The following DYNC2H1 variants were observed in gnomAD, a reference collection of about 807,000 sequenced individuals.
The protein encoded by DYNC2H1 is cytoplasmic dynein 2 heavy chain 1.
A neutral mutation model predicts 570.0 loss-of-function variants in DYNC2H1; 410 were observed. The ratio of observed to expected loss-of-function variants is 0.72; its 90% CI spans 0.66 to 0.78. The LOEUF is 0.78. DYNC2H1 is among the 30% of genes least tolerant of loss of function. DYNC2H1 has a pLI of 0.00. For synonymous variants in DYNC2H1, 1,688 were observed against 1,677.6 expected, an observed-to-expected ratio of 1.01 and a Z score of -0.15; for missense variants, 4,865 against 5,046.4, an observed-to-expected ratio of 0.96 and a Z score of 1.09.
Position 103,369,699 on chromosome 11 carries a change from A to G in DYNC2H1, c.12156+11340A>G, listed in dbSNP as rs1243588001. Among the ~76,000 whole-genome samples the G allele has an allele frequency of 6.6e-6, 1 of 152,216 alleles. No homozygotes were observed. Among genetic ancestry groups the G allele is most frequent in the African/African-American group, 2.4e-5 (1 of 41,456 alleles). On this transcript the variant is annotated intron_variant, in intron 83 of 88. Coordinates refer to ENST00000375735, the MANE Select transcript of DYNC2H1 (RefSeq NM_001377.3). This position sits in a 1 kb window ranked among gnomAD's most constrained non-coding sequence, Gnocchi z 4.0. The stretch of plus-strand genomic sequence containing the variant: ...GCCCTAGCTCCCGGGCAACATTCGT[A>G]GACACTCACTGCATCAGAAAGCAAC...
intron 87 of DYNC2H1, chr11:103,468,242 A>G (rs1945259678): frequency 6.2e-6 from 1 of 160,428 alleles, no homozygotes; most frequent in Non-Finnish European, 1.4e-5. Flanking sequence ...TTGCTCTCTA[A>G]TTATGCTTTT....
chr11:103,213,348 G>A (rs943191545), intron 54 of DYNC2H1, among the ~76,000 whole-genome samples: 4 of 152,004 alleles, frequency 2.6e-5, no homozygotes, highest in African/African-American at 9.7e-5. Context: ...GTTACCCCTT[G>A]CTTGCTATTT....
intron 83 of DYNC2H1, among the ~76,000 whole-genome samples, chr11:103,381,541 C>G (rs1941647952): frequency 6.6e-6 from 1 of 152,186 alleles, no homozygotes; most frequent in African/African-American, 2.4e-5. Flanking sequence ...CCTCCACCTC[C>G]CGCGTTCAAG....
chr11:103,383,483 T>A (rs199949517), intron 83 of DYNC2H1, among the ~76,000 whole-genome samples: 5 of 140,448 alleles, frequency 3.6e-5, no homozygotes, highest in Non-Finnish European at 7.5e-5. Flanking sequence ...TCTTTATTTT[T>A]TTTTTTTTGA....
chr11:103,186,492 G>A lies in DYNC2H1; in HGVS notation c.6884G>A (p.Cys2295Tyr). Residue 2295 changes from cysteine (C) to tyrosine (Y), a missense_variant, in exon 42 of 89, where the codon TGT (cysteine) becomes TAT (tyrosine). Physicochemically the swap from Cys to Tyr is radical, Grantham distance 194 (BLOSUM62 -2). Coordinates refer to ENST00000375735, the MANE Select transcript of DYNC2H1 (RefSeq NM_001377.3). This position sits in a 1 kb window ranked among gnomAD's most constrained non-coding sequence, Gnocchi z 4.5. ...QPFILVGPEG[C>Y]GKGMLLRYAF... Reference sequence around the variant, plus strand: ...TTTATTCTGGTAGGACCAGAAGGATGTGGCAAAGGGTAAGAAAAATATTGG... The same window carrying A: ...TTTATTCTGGTAGGACCAGAAGGATATGGCAAAGGGTAAGAAAAATATTGG... 6.2e-7 allele frequency: 1 copy of A among 1,609,766 alleles called. No homozygotes were observed. Among genetic ancestry groups the A allele is most frequent in the Non-Finnish European group, 8.5e-7 (1 of 1,178,694 alleles).
rs1364774281 is a variant in DYNC2H1, at chr11:103,324,162, AT to A, written c.12039+180del. 6.6e-6 allele frequency among the ~76,000 whole-genome samples: 1 copy of A among 151,826 alleles called. No homozygotes were observed. The highest frequency in any genetic ancestry group is 2.1e-4 in the South Asian group (1 of 4,822). On this transcript the variant is annotated intron_variant, in intron 82 of 88. Coordinates refer to ENST00000375735, the MANE Select transcript of DYNC2H1 (RefSeq NM_001377.3). The surrounding 1 kb of genome is among the most constrained non-coding windows in gnomAD (Gnocchi z 5.2). Reference sequence around the variant, plus strand: ...ATTTTTTAAAATATTTGATTTTCTGATTTTTTTTCTTTTTAAACTTTTATTT... The same window carrying A: ...ATTTTTTAAAATATTTGATTTTCTGATTTTTTTCTTTTTAAACTTTTATTT...
chr11:103,215,830 C>T lies in DYNC2H1; in HGVS notation c.8804C>T (p.Ala2935Val). The change falls in exon 55 of 89, where the codon GCC (alanine) becomes GTC (valine). Residue 2935 changes from alanine to valine, a missense_variant. Physicochemically the swap from Ala to Val is moderately conservative, Grantham distance 64. This residue lies in a region of DYNC2H1 where 2,401 missense variants were observed against 2,454.6 expected (regional missense o/e 0.98). Coordinates refer to ENST00000375735, the MANE Select transcript of DYNC2H1 (RefSeq NM_001377.3). ...ACGAAGCAAGATGAAGCAGATGCTG[C>T]CCTTCAAATGATCACAGTGTCAATG... is the stretch of plus-strand genomic sequence containing the variant. ...LKTKQDEADAALQMITVSMQD... is the reference protein window; with the variant it reads ...LKTKQDEADAVLQMITVSMQD... 1 of 1,612,520 alleles carries T rather than the reference C, an allele frequency of 6.2e-7. No individual in the cohort carries two copies. Among genetic ancestry groups the T allele is most frequent in the Non-Finnish European group, 8.5e-7 (1 of 1,179,206 alleles).
At chr11:103,300,272 G>A (rs185594710) in intron 75 of DYNC2H1, among the ~76,000 whole-genome samples, 144 of 151,844 alleles carry the variant, frequency 9.5e-4, no homozygotes, top group African/African-American at 3.3e-3. Flanking sequence ...TCAGTTATTC[G>A]TTTGTCTTAT....
Position 103,189,394 on chromosome 11 carries a change from T to C in DYNC2H1, c.7293-278T>C, listed in dbSNP as rs1862205320. On this transcript the variant is annotated intron_variant, in intron 44 of 88. Transcript: ENST00000375735. This position sits in a 1 kb window ranked among gnomAD's most constrained non-coding sequence, Gnocchi z 4.3. Reference sequence around the variant, plus strand: ...TGCTTTTCAAAAGTAAAATTTTCCTTTTGGTCTTTTCTGAAGATCAGTGAT... The same window carrying C: ...TGCTTTTCAAAAGTAAAATTTTCCTCTTGGTCTTTTCTGAAGATCAGTGAT... Among the ~76,000 whole-genome samples, 1 of 152,140 alleles carries C rather than the reference T, an allele frequency of 6.6e-6. No homozygotes were observed. The highest frequency in any genetic ancestry group is 1.5e-5 in the Non-Finnish European group (1 of 68,018).
At chr11:103,292,479 G>A (rs1378650680) in intron 75 of DYNC2H1, among the ~76,000 whole-genome samples, 5 of 152,204 alleles carry the variant, frequency 3.3e-5, no homozygotes, top group South Asian at 2.1e-4. Context: ...ACAATTTATT[G>A]TAGTTAGTAT....
At chr11:103,303,357 C>T in intron 76 of DYNC2H1, 104 bp downstream of exon 76, 1 of 1,267,164 alleles carries the variant, frequency 7.9e-7, no homozygotes, top group Non-Finnish European at 1.1e-6. Flanking sequence ...CCAAATAATG[C>T]CCCCAAAAAT....
At chr11:103,153,041 T>G (rs559817162) in intron 21 of DYNC2H1, among the ~76,000 whole-genome samples, 17 of 152,306 alleles carry the variant, frequency 1.1e-4, no homozygotes, top group Admixed American at 9.2e-4. Flanking sequence ...TTGTACTAGG[T>G]GCGGTTAACC....
intron 63 of DYNC2H1, among the ~76,000 whole-genome samples, chr11:103,237,238 A>G (rs1164840395): frequency 1.3e-5 from 2 of 151,992 alleles, no homozygotes; most frequent in Non-Finnish European, 2.9e-5. Flanking sequence ...AAATATTAGT[A>G]TTCCTTTTCC....
intron 43 of DYNC2H1, 53 bp from the exon 44 acceptor site, chr11:103,188,444 T>C: frequency 1.5e-6 from 2 of 1,372,276 alleles, no homozygotes; most frequent in Non-Finnish European, 9.9e-7. Flanking sequence ...TCCTTTATCA[T>C]GATTAGGAAA....
In DYNC2H1 at chr11:103,154,532, C is replaced by A. The variant is rs199935024; in HGVS notation, c.3384C>A (p.Ala1128=). 1.4e-4 allele frequency: 228 copies of A among 1,588,234 alleles called. No homozygotes were observed. The African/African-American group carries it at 2.9e-3, about 20-fold the overall frequency. ...TCTCTAAAGATATCGAGAGCTGTGC[C>A]CAAATTTGGGCCTTTTATGAAGAGT... is the stretch of plus-strand genomic sequence containing the variant. ...SSISKDIESC[A]QIWAFYEEFQ... Residue 1128 remains alanine (A), a synonymous_variant, in exon 23 of 89, where the codon GCC becomes GCA. Coordinates refer to ENST00000375735, the MANE Select transcript of DYNC2H1 (RefSeq NM_001377.3).
intron 70 of DYNC2H1, among the ~76,000 whole-genome samples, chr11:103,273,770 T>C (rs1042853159): frequency 6.6e-6 from 1 of 152,120 alleles, no homozygotes; most frequent in Non-Finnish European, 1.5e-5. Context: ...TGAGGTCACA[T>C]GGAAACCCTT....
intron 87 of DYNC2H1, among the ~76,000 whole-genome samples, chr11:103,456,688 T>C (rs1211778051): frequency 2.0e-5 from 3 of 152,152 alleles, no homozygotes; most frequent in Non-Finnish European, 4.4e-5. Flanking sequence ...TACATACAGG[T>C]TGAGCATCCA....
Position 103,259,963 on chromosome 11 carries a change from C to A in DYNC2H1, c.10681C>A (p.Arg3561Ser), listed in dbSNP as rs766804374. 2.0e-6 allele frequency: 3 copies of A among 1,498,746 alleles called. No homozygotes were observed. The highest frequency in any genetic ancestry group is 2.9e-5 in the African/African-American group (2 of 68,222). The allele number at this position is 1,498,746 out of a possible 1,614,324, so 92.8% of individuals were successfully genotyped here. The change falls in exon 70 of 89, where the codon CGT (arginine) becomes AGT (serine). Residue 3561 changes from arginine to serine, a missense_variant. By Grantham distance (110) the Arg-to-Ser change is moderately radical. Around this residue, in one of 5 missense-constraint regions of DYNC2H1, gnomAD observed 2,401 missense variants for 2,454.6 expected, o/e 0.98. Transcript: ENST00000375735. ...ACATATGGTATATGAATATATATGT[C>A]GTTGTCTATTTAAGGTAAGAAGCAT... is the stretch of plus-strand genomic sequence containing the variant. ...LQHMVYEYIC[R>S]CLFKADQLMF...
intron 75 of DYNC2H1, among the ~76,000 whole-genome samples, chr11:103,288,880 C>CAAAA (rs546404582): frequency 0.031 from 2,428 of 79,590 alleles, 119 homozygotes; most frequent in African/African-American, 0.11. Context: ...GACTCAATCT[C>CAAAA]AAAAAAAAAA....
Sources: gnomAD v4.1 joint callset for allele counts (sites outside exome capture counted in the v4.1 genomes callset) on GRCh38, gnomAD v4.1.1 for gene constraint, gnomAD v4.1.1 regional missense constraint, Gnocchi (gnomAD v3.1) non-coding constraint, MANE v1.5 for transcripts, NCBI Gene and HGNC (gene_info 2026-07-23, HGNC 2026-07-21) for gene names.